The following LAMC1 variants were observed in gnomAD, a reference collection of about 807,000 sequenced individuals.
LAMC1 encodes the protein laminin subunit gamma 1, also known as laminin subunit gamma-1.
In LAMC1, 38 loss-of-function variants were observed where a neutral mutation model predicts 173.6. The observed-to-expected ratio is 0.22, with a 90% CI of 0.17 to 0.29. LAMC1 has a LOEUF of 0.29. Ranked by LOEUF, LAMC1 falls within the 10% of genes least tolerant of loss-of-function variation. LAMC1 has a pLI of 1.00. For missense variants in LAMC1, 1,824 were observed against 2,051.8 expected (o/e 0.89, Z 2.14); for synonymous variants, 746 against 749.1 (o/e 1.00, Z 0.07).
At chr1:183,038,557 A>T (rs1654043801) in intron 1 of LAMC1, among the ~76,000 whole-genome samples, 1 of 39,038 alleles carries the variant, frequency 2.6e-5, no homozygotes, top group Admixed American at 3.9e-4. Flanking sequence ...ATGAAGGGAT[A>T]ATGATTTCCA....
At chr1:183,098,080 C>T (rs1008579920) in intron 1 of LAMC1, among the ~76,000 whole-genome samples, 4 of 152,192 alleles carry the variant, frequency 2.6e-5, no homozygotes, top group Admixed American at 1.3e-4. Context: ...TGTCTACTTT[C>T]ACTTGCTCCC....
Position 183,126,126 on chromosome 1 carries a change from C to G in LAMC1, c.2808C>G (p.Asp936Glu), listed in dbSNP as rs1264463013. The G allele has an allele frequency of 6.2e-7, 1 of 1,613,016 alleles. No individual in the cohort carries two copies. The highest frequency in any genetic ancestry group is 8.5e-7 in the Non-Finnish European group (1 of 1,179,742). The change falls in exon 16 of 28, where the codon GAC becomes GAG. Residue 936 changes from aspartate (D) to glutamate (E), a missense_variant. Transcript: ENST00000258341. ...LQSGQGCERCDCHALGSTNGQ... is the reference protein window; with the variant it reads ...LQSGQGCERCECHALGSTNGQ... Reference sequence around the variant, plus strand: ...GTCCTGTGTTCATTTTCAGGTGTGACTGCCATGCCTTGGGCTCCACCAATG... The same window carrying G: ...GTCCTGTGTTCATTTTCAGGTGTGAGTGCCATGCCTTGGGCTCCACCAATG...
At chr1:183,025,260 G>C (rs1039329133) in intron 1 of LAMC1, among the ~76,000 whole-genome samples, 1 of 152,180 alleles carries the variant, frequency 6.6e-6, no homozygotes, top group African/African-American at 2.4e-5. Context: ...TGGTTCTTTT[G>C]ATCATGATTT....
At chr1:183,032,244 T>G (rs1359401102) in intron 1 of LAMC1, among the ~76,000 whole-genome samples, 1 of 152,216 alleles carries the variant, frequency 6.6e-6, no homozygotes, top group Non-Finnish European at 1.5e-5. Flanking sequence ...TCTCTCTTTC[T>G]TAGACAATGG....
At chr1:183,077,795 T>TATATATATATATATATATATATATATAC (rs1458377650) in intron 1 of LAMC1, among the ~76,000 whole-genome samples, 2 of 147,302 alleles carry the variant, frequency 1.4e-5, no homozygotes, top group Non-Finnish European at 3.0e-5. Context: ...TATATATATA[T>TATATATATATATATATATATATATATAC]ACAGTAGCAC....
chr1:183,086,142 A>T (rs968064613), intron 1 of LAMC1, among the ~76,000 whole-genome samples: 3 of 152,234 alleles, frequency 2.0e-5, no homozygotes, highest in Admixed American at 6.5e-5. Context: ...TAGACTTGAA[A>T]TTATATTTTT....
At position 183,131,430 on chromosome 1, in the gene LAMC1, T is replaced by G. The variant is rs889967397; in HGVS notation, c.3566+52T>G. ...TTAAGTTGTGGCTTCTGTTATGGGG[T>G]GTGTGTGTGTGTGTGTGTGTGTGTG... On this transcript the variant is annotated intron_variant, in intron 20 of 27. Coordinates refer to ENST00000258341, the MANE Select transcript of LAMC1 (RefSeq NM_002293.4). The G allele has an allele frequency of 4.8e-4, 299 of 621,220 alleles. 1 individual carries two copies. The highest frequency in any genetic ancestry group is 7.3e-4 in the Non-Finnish European group (253 of 348,056). The allele number at this position is 621,220 out of a possible 1,614,324, so 38.5% of individuals were successfully genotyped here. A position where few individuals can be genotyped will look rare whatever the true frequency, so the allele number is the denominator to read the frequency against.
intron 1 of LAMC1, among the ~76,000 whole-genome samples, chr1:183,045,278 A>G (rs1654238354): frequency 6.6e-6 from 1 of 152,058 alleles, no homozygotes; most frequent in Non-Finnish European, 1.5e-5. Context: ...GAGTAGAAAT[A>G]AAAGTTTCCA....
At chr1:183,066,610 G>A (rs569659097) in intron 1 of LAMC1, among the ~76,000 whole-genome samples, 1 of 152,318 alleles carries the variant, frequency 6.6e-6, no homozygotes, top group Admixed American at 6.5e-5. Flanking sequence ...AAACACCATG[G>A]AATACTATGC....
chr1:183,089,029 T>A (rs755266790), intron 1 of LAMC1, among the ~76,000 whole-genome samples: 2 of 152,172 alleles, frequency 1.3e-5, no homozygotes, highest in Admixed American at 1.3e-4. Context: ...GATAATGATA[T>A]AGGGTGGGTT....
intron 2 of LAMC1, among the ~76,000 whole-genome samples, chr1:183,105,422 A>G (rs28632085): frequency 2.2e-4 from 24 of 108,048 alleles, no homozygotes; most frequent in African/African-American, 6.6e-4. Flanking sequence ...CAGAGAAAGA[A>G]CAGTGTAGTC....
intron 15 of LAMC1, 60 bp from the exon 16 acceptor site, chr1:183,126,060 A>C (rs1571458118): frequency 1.3e-6 from 2 of 1,548,586 alleles, no homozygotes; most frequent in East Asian, 4.5e-5. Flanking sequence ...TAAAAAAAAA[A>C]AAAAGTTGTG....
At chr1:183,131,186 A>AAAAC in intron 19 of LAMC1, 113 bp from the exon 20 acceptor site, 1 of 704,172 alleles carries the variant, frequency 1.4e-6, no homozygotes, top group South Asian at 1.8e-5. Context: ...AAAAAAAAAA[A>AAAAC]AAAAGGTAGA....
intron 1 of LAMC1, among the ~76,000 whole-genome samples, chr1:183,036,296 C>A (rs554546747): frequency 6.6e-6 from 1 of 151,048 alleles, no homozygotes; most frequent in East Asian, 2.0e-4. Context: ...GATGGGGTTT[C>A]GCCATGTTAG....
chr1:183,081,011 C>T (rs1655258717), intron 1 of LAMC1, among the ~76,000 whole-genome samples: 1 of 152,088 alleles, frequency 6.6e-6, no homozygotes, highest in African/African-American at 2.4e-5. Context: ...GCCTCAGCCT[C>T]CCAAGTAGCT....
chr1:183,063,173 C>G (rs1330127554), intron 1 of LAMC1, among the ~76,000 whole-genome samples: 2 of 152,094 alleles, frequency 1.3e-5, no homozygotes, highest in Non-Finnish European at 2.9e-5. Context: ...GCTTTTTACT[C>G]AAAGTTCCAG....
At chr1:183,129,541 G>A (rs1656725268) in intron 18 of LAMC1, among the ~76,000 whole-genome samples, 1 of 150,116 alleles carries the variant, frequency 6.7e-6, no homozygotes, top group Non-Finnish European at 1.5e-5. Flanking sequence ...ATCTTCATTG[G>A]TCTTACCTTT....
At chr1:183,130,945 C>T (rs529742450) in intron 19 of LAMC1, among the ~76,000 whole-genome samples, 5 of 152,180 alleles carry the variant, frequency 3.3e-5, no homozygotes, top group Middle Eastern at 3.4e-3. Context: ...GAGGCCGAGG[C>T]GGGTGGATCA....
chr1:183,116,714 T>TA (rs1381743495), intron 7 of LAMC1, 39 bp downstream of exon 7: 1 of 1,610,266 alleles, frequency 6.2e-7, no homozygotes, highest in East Asian at 2.2e-5. Context: ...TGTTTTCTGT[T>TA]ACCATATTTC....
Sources: allele counts gnomAD v4.1 joint callset (sites outside exome capture counted in the v4.1 genomes callset), GRCh38; gene constraint gnomAD v4.1.1; transcripts MANE v1.5; gene names NCBI Gene and HGNC (gene_info 2026-07-23, HGNC 2026-07-21).